Variants in GARIN1B observed in about 807,000 individuals in gnomAD.
GARIN1B encodes Golgi-associated RAB2 interactor protein 1B.
the GARIN1B span, chr7:128,729,805 C>A: frequency 2.3e-6 from 3 of 1,303,604 alleles, no homozygotes; most frequent in Admixed American, 3.7e-5. Flanking sequence ...TGGAATGGTG[C>A]CTGGCACATC....
chr7:128,724,810 T>C, the GARIN1B span: 2 of 1,289,668 alleles, frequency 1.6e-6, no homozygotes, highest in Non-Finnish European at 2.0e-6. Flanking sequence ...ACAAATTCCC[T>C]TTCTTTCTGA....
the GARIN1B span, among the ~76,000 whole-genome samples, chr7:128,726,609 A>T: frequency 1.3e-5 from 1 of 77,842 alleles, no homozygotes; most frequent in African/African-American, 4.9e-5. Context: ...TCTGCTCCCC[A>T]CCTCCCACCC....
the GARIN1B span, chr7:128,729,919 G>A: frequency 6.2e-7 from 1 of 1,613,842 alleles, no homozygotes; most frequent in South Asian, 1.1e-5. Context: ...TTCTTCCCGT[G>A]AAGACAGCAT....
chr7:128,729,187 C>T, the GARIN1B span, among the ~76,000 whole-genome samples: 1 of 152,054 alleles, frequency 6.6e-6, no homozygotes, highest in African/African-American at 2.4e-5. Context: ...AGTGTAGTCT[C>T]TCAGTTTAAA....
chr7:128,713,180 G>A, the GARIN1B span, among the ~76,000 whole-genome samples: 6 of 152,090 alleles, frequency 3.9e-5, no homozygotes, highest in African/African-American at 7.2e-5. Flanking sequence ...GGTGCTGCAC[G>A]TTTGTAATCC....
chr7:128,723,273 C>T, the GARIN1B span: 3 of 1,613,112 alleles, frequency 1.9e-6, no homozygotes, highest in African/African-American at 1.3e-5. Flanking sequence ...GAGAGTGAAG[C>T]CCTGTCTCAG....
chr7:128,712,005 C>T, the GARIN1B span, among the ~76,000 whole-genome samples: 1 of 152,226 alleles, frequency 6.6e-6, no homozygotes, highest in African/African-American at 2.4e-5. Context: ...CATACCATTG[C>T]ACTCCAGCCT....
chr7:128,729,988 G>A, the GARIN1B span: 1 of 1,614,094 alleles, frequency 6.2e-7, no homozygotes, highest in Non-Finnish European at 8.5e-7. Flanking sequence ...GTGGGAAAGA[G>A]AGAACCCCTC....
chr7:128,730,669 C>T, the GARIN1B span, among the ~76,000 whole-genome samples: 20 of 150,430 alleles, frequency 1.3e-4, no homozygotes, highest in East Asian at 2.0e-3. Context: ...TTTTTTGAGA[C>T]GGAGTCTCAC....
At chr7:128,727,900 G>C in the GARIN1B span, among the ~76,000 whole-genome samples, 1 of 152,134 alleles carries the variant, frequency 6.6e-6, no homozygotes, top group Non-Finnish European at 1.5e-5. Context: ...TATTTCTTCA[G>C]TGAATACTAA....
the GARIN1B span, among the ~76,000 whole-genome samples, chr7:128,727,953 G>T: frequency 2.6e-5 from 4 of 152,148 alleles, no homozygotes; most frequent in African/African-American, 9.7e-5. Context: ...TGAAGCAGAG[G>T]CCTGAGAACA....
At chr7:128,710,911 G>A in the GARIN1B span, among the ~76,000 whole-genome samples, 1 of 152,246 alleles carries the variant, frequency 6.6e-6, no homozygotes, top group Admixed American at 6.5e-5. Flanking sequence ...GCCCGCCTCA[G>A]CCTTCCAAAG....
At chr7:128,709,728 T>TTCTC in the GARIN1B span, among the ~76,000 whole-genome samples, 1 of 69,506 alleles carries the variant, frequency 1.4e-5, no homozygotes, top group Non-Finnish European at 2.9e-5. Flanking sequence ...GCTAGACAAA[T>TTCTC]TCTCTCTCTC....
At chr7:128,715,551 G>A in the GARIN1B span, 2 of 1,614,034 alleles carry the variant, frequency 1.2e-6, no homozygotes, top group East Asian at 2.2e-5. Flanking sequence ...GAAGAATTCA[G>A]GGGCCTCTTG....
At chr7:128,716,818 A>G in the GARIN1B span, 3 of 1,606,662 alleles carry the variant, frequency 1.9e-6, no homozygotes, top group Non-Finnish European at 2.6e-6. Context: ...TGCAGGTCAA[A>G]AGGGGCAGGA....
the GARIN1B span, among the ~76,000 whole-genome samples, chr7:128,722,069 T>G: frequency 6.6e-6 from 1 of 152,252 alleles, no homozygotes; most frequent in Non-Finnish European, 1.5e-5. Context: ...GTAATTTTCT[T>G]GGGATATCTT....
chr7:128,721,982 T>G, the GARIN1B span, among the ~76,000 whole-genome samples: 1 of 152,226 alleles, frequency 6.6e-6, no homozygotes, highest in Non-Finnish European at 1.5e-5. Flanking sequence ...ATACTTATTT[T>G]TTATATGTTA....
chr7:128,729,838 G>C, the GARIN1B span: 1 of 1,556,444 alleles, frequency 6.4e-7, no homozygotes, highest in Non-Finnish European at 8.8e-7. Flanking sequence ...CCAAATGTCA[G>C]CTGTAACCTG....
At chr7:128,725,706 C>G in the GARIN1B span, among the ~76,000 whole-genome samples, 11 of 152,080 alleles carry the variant, frequency 7.2e-5, no homozygotes, top group South Asian at 2.1e-4. Flanking sequence ...TTTAAAGAAC[C>G]GTTTCTGTTT....
Sources: allele counts gnomAD v4.1 joint callset (sites outside exome capture counted in the v4.1 genomes callset), GRCh38; gene constraint gnomAD v4.1.1; transcripts MANE v1.5; gene names NCBI Gene and HGNC (gene_info 2026-07-23, HGNC 2026-07-21).